Variants in PALD1 observed in about 807,000 individuals in gnomAD.
The protein encoded by PALD1 is phosphatase domain containing paladin 1.
PALD1 carries 57 observed loss-of-function variants against 96.0 expected under a neutral mutation model. The observed-to-expected ratio is 0.59, with a 90% confidence interval of 0.48 to 0.74. The LOEUF (loss-of-function observed/expected upper bound fraction) is 0.74, where lower values mean the gene tolerates loss of function less well. PALD1 is among the 30% of genes least tolerant of loss of function. PALD1 has a pLI of 0.00. For missense variants in PALD1, 1,063 were observed against 1,143.7 expected (o/e 0.93, Z 1.02); for synonymous variants, 464 against 473.6 (o/e 0.98, Z 0.26).
intron 18 of PALD1, among the ~76,000 whole-genome samples, chr10:70,554,598 T>C (rs1847553600): frequency 6.6e-6 from 1 of 152,158 alleles, no homozygotes; most frequent in African/African-American, 2.4e-5. Context: ...CAGACTTCGT[T>C]GTTTCCTTTT....
the PALD1 span, among the ~76,000 whole-genome samples, chr10:70,472,816 G>A: frequency 3.3e-5 from 5 of 152,124 alleles, no homozygotes; most frequent in African/African-American, 1.2e-4. Flanking sequence ...GGGGAGGGAG[G>A]AGGTGTGGGC....
chr10:70,561,580 C>T (rs1393121875), intron 18 of PALD1, among the ~76,000 whole-genome samples: 2 of 152,146 alleles, frequency 1.3e-5, no homozygotes, highest in African/African-American at 4.8e-5. Flanking sequence ...CTAAGCAAAT[C>T]CTGCCCCCAG....
chr10:70,490,249 T>C (rs1159466334), intron 1 of PALD1, among the ~76,000 whole-genome samples: 2 of 152,162 alleles, frequency 1.3e-5, no homozygotes, highest in East Asian at 3.9e-4. Context: ...TTTTTAAAGG[T>C]CTCACTCTGT....
rs1478771179 is a variant in PALD1, at chr10:70,501,655, T to G, written c.-30+22596T>G. Among the ~76,000 whole-genome samples the G allele has an allele frequency of 3.9e-5, 6 of 151,976 alleles. No individual in the cohort carries two copies. In the East Asian group the frequency reaches 1.2e-3, roughly 30 times the overall value. ...GGCCACTGTGTAGTTCTTTTTTGTC[T>G]TTCTTTTTTTTCTAAATAGTGTATG... On this transcript the variant is annotated intron_variant, in intron 1 of 19. Transcript: ENST00000263563.
chr10:70,460,738 G>A, the PALD1 span, among the ~76,000 whole-genome samples: 4 of 152,154 alleles, frequency 2.6e-5, no homozygotes, highest in Non-Finnish European at 5.9e-5. Flanking sequence ...ACCCTTCAGT[G>A]CCTCTCATTG....
At chr10:70,527,304 T>C (rs967624075) in intron 2 of PALD1, among the ~76,000 whole-genome samples, 2 of 152,220 alleles carry the variant, frequency 1.3e-5, no homozygotes, top group Non-Finnish European at 2.9e-5. Flanking sequence ...GTAAAAATCC[T>C]GTACACAGGG....
chr10:70,562,114 A>G (rs1344603831), intron 18 of PALD1, among the ~76,000 whole-genome samples: 1 of 151,444 alleles, frequency 6.6e-6, no homozygotes, highest in Non-Finnish European at 1.5e-5. Context: ...GAGAAATCCT[A>G]CTTCCATAAA....
chr10:70,499,804 C>T (rs775455023), intron 1 of PALD1, among the ~76,000 whole-genome samples: 27 of 152,182 alleles, frequency 1.8e-4, no homozygotes, highest in African/African-American at 3.1e-4. Flanking sequence ...CAGGGCCAGA[C>T]GGCCTGAGTT....
In PALD1 at chr10:70,530,016, G is replaced by T; in HGVS notation, c.416G>T (p.Ser139Ile). 6.3e-7 allele frequency: 1 copy of T among 1,587,474 alleles called. No homozygotes were observed. Among genetic ancestry groups the T allele is most frequent in the Non-Finnish European group, 8.6e-7 (1 of 1,167,946 alleles). The change falls in exon 4 of 20, where the codon AGC (serine) becomes ATC (isoleucine). Residue 139 changes from serine to isoleucine, a missense_variant. Ser to Ile is a moderately radical substitution (Grantham distance 142, BLOSUM62 -2). Coordinates refer to ENST00000263563, the MANE Select transcript of PALD1 (RefSeq NM_014431.3). Reference sequence around the variant, plus strand: ...ACTGTGTTCGGCATGGGACAGCCCAGCCTCTCAGGGTTCAGGCGGGTCCTC... The same window carrying T: ...ACTGTGTTCGGCATGGGACAGCCCATCCTCTCAGGGTTCAGGCGGGTCCTC... ...GLTVFGMGQP[S>I]LSGFRRVLQK... is the part of the protein sequence containing the mutation.
intron 1 of PALD1, among the ~76,000 whole-genome samples, chr10:70,519,629 C>T (rs987396480): frequency 3.4e-5 from 5 of 148,098 alleles, no homozygotes; most frequent in Non-Finnish European, 7.4e-5. Context: ...GGCTAGAGTG[C>T]AGTGGCGCGA....
intron 18 of PALD1, among the ~76,000 whole-genome samples, chr10:70,551,974 C>T (rs968904688): frequency 6.6e-6 from 1 of 152,216 alleles, no homozygotes; most frequent in South Asian, 2.1e-4. Context: ...GGGCTTCGTG[C>T]ACTTGCATGC....
At chr10:70,554,557 G>A (rs1289814230) in intron 18 of PALD1, among the ~76,000 whole-genome samples, 1 of 152,178 alleles carries the variant, frequency 6.6e-6, no homozygotes. Flanking sequence ...AATCCAACAT[G>A]GCCGCCAGCC....
At chr10:70,541,431 G>A (rs1394987942) in intron 16 of PALD1, 32 bp from the exon 17 acceptor site, 1 of 1,605,412 alleles carries the variant, frequency 6.2e-7, no homozygotes, top group East Asian at 2.2e-5. Context: ...CGTTGGGAGG[G>A]GGCTTCTGTC....
At chr10:70,462,951 C>A in the PALD1 span, among the ~76,000 whole-genome samples, 1 of 152,228 alleles carries the variant, frequency 6.6e-6, no homozygotes, top group Non-Finnish European at 1.5e-5. Context: ...TCTGGGCATT[C>A]CCCCAGGCCT....
At chr10:70,518,587 A>C (rs1846661348) in intron 1 of PALD1, among the ~76,000 whole-genome samples, 1 of 152,224 alleles carries the variant, frequency 6.6e-6, no homozygotes, top group South Asian at 2.1e-4. Flanking sequence ...CTTATTTGGC[A>C]TCTGTATGTA....
chr10:70,560,236 A>G (rs983915689), intron 18 of PALD1, among the ~76,000 whole-genome samples: 2 of 152,064 alleles, frequency 1.3e-5, no homozygotes, highest in Non-Finnish European at 2.9e-5. Flanking sequence ...CCTGGAGGGA[A>G]CCCGACCAGG....
chr10:70,565,746 A>T (rs1847834600), intron 19 of PALD1, among the ~76,000 whole-genome samples: 1 of 152,076 alleles, frequency 6.6e-6, no homozygotes, highest in African/African-American at 2.4e-5. Flanking sequence ...CTTCTTGAGC[A>T]GGCCTGGGCT....
At chr10:70,514,184 C>CA (rs1846575257) in intron 1 of PALD1, among the ~76,000 whole-genome samples, 2 of 152,210 alleles carry the variant, frequency 1.3e-5, no homozygotes. Flanking sequence ...CTTGACTTGT[C>CA]ATCTCAGTGT....
At chr10:70,461,499 CACCCAGGAA>C in the PALD1 span, among the ~76,000 whole-genome samples, 1 of 152,258 alleles carries the variant, frequency 6.6e-6, no homozygotes, top group Admixed American at 6.5e-5. Flanking sequence ...ACACAGTCAG[CACCCAGGAA>C]ACACGTGTGA....
Sources: allele counts gnomAD v4.1 joint callset (sites outside exome capture counted in the v4.1 genomes callset), GRCh38; gene constraint gnomAD v4.1.1; transcripts MANE v1.5; gene names NCBI Gene and HGNC (gene_info 2026-07-23, HGNC 2026-07-21).